Variants in AGRN observed in about 807,000 individuals in gnomAD.
The protein encoded by AGRN is agrin.
A neutral mutation model predicts 211.0 loss-of-function variants in AGRN; 106 were observed. The observed-to-expected ratio is 0.50, with a 90% CI of 0.43 to 0.59. The LOEUF is 0.59. Ranked by LOEUF, AGRN falls within the 20% of genes least tolerant of loss-of-function variation. The pLI is 0.00. For missense variants in AGRN, 3,040 were observed against 2,982.6 expected (o/e 1.02, Z -0.45); for synonymous variants, 1,525 against 1,332.5 (o/e 1.14, Z -3.15).
chr1:1,048,084 C>A lies in AGRN; in HGVS notation c.3824C>A (p.Thr1275Asn). The A allele has an allele frequency of 6.3e-7, 1 of 1,578,436 alleles. No homozygotes were observed. Among genetic ancestry groups the A allele is most frequent in the African/African-American group, 1.3e-5 (1 of 74,496 alleles). ...IAAGATARAT[T>N]ASRLPSSAVT... The stretch of plus-strand genomic sequence containing the variant: ...GCGGGAGCCACGGCCAGAGCCACCA[C>A]TGCATCGCGCCTGCCGTCCTCTGCT... The change falls in exon 23 of 36, where the codon ACT (threonine) becomes AAT (asparagine). Residue 1275 changes from threonine (T) to asparagine (N), a missense_variant. Coordinates refer to ENST00000379370, the MANE Select transcript of AGRN (RefSeq NM_198576.4). The surrounding 1 kb of genome is among the most constrained non-coding windows in gnomAD (Gnocchi z 5.9).
intron 2 of AGRN, among the ~76,000 whole-genome samples, chr1:1,024,178 G>T (rs1557683476): frequency 6.6e-6 from 1 of 152,118 alleles, no homozygotes; most frequent in African/African-American, 2.4e-5. Flanking sequence ...TATCTCGGGT[G>T]GCTGGGGTCC....
chr1:1,021,199 G>A (rs1644395071), intron 1 of AGRN, among the ~76,000 whole-genome samples: 1 of 152,206 alleles, frequency 6.6e-6, no homozygotes. Context: ...GGGCTCCCCC[G>A]CCGGCCCAGT....
chr1:1,037,538 C>G (rs1481354316), intron 3 of AGRN, among the ~76,000 whole-genome samples: 8 of 152,222 alleles, frequency 5.3e-5, no homozygotes, highest in Non-Finnish European at 5.9e-5. Flanking sequence ...ACTGCCGCCT[C>G]CAGCGTTGCA....
intron 19 of AGRN, 69 bp downstream of exon 19, chr1:1,047,026 C>T (rs1405176001): frequency 6.5e-7 from 1 of 1,544,768 alleles, no homozygotes; most frequent in African/African-American, 1.4e-5. Flanking sequence ...GCCCCCTCGC[C>T]TGGGCAGCAG....
At chr1:1,027,178 C>T (rs1369552321) in intron 2 of AGRN, among the ~76,000 whole-genome samples, 2 of 152,214 alleles carry the variant, frequency 1.3e-5, no homozygotes, top group Non-Finnish European at 2.9e-5. Context: ...GGAGAAGGGG[C>T]GTGCTGTGTC....
At position 1,041,599 on chromosome 1, in the gene AGRN, G is replaced by A. The variant is rs1056553531; in HGVS notation, c.1074G>A (p.Gly358=). ...CTGCCCGGCAGGCGCCAGTGTGTGGGGACGACGGAGTCACCTACGAAAACG... is the reference window on the plus strand; with the variant it reads ...CTGCCCGGCAGGCGCCAGTGTGTGGAGACGACGGAGTCACCTACGAAAACG... ...SCPARQAPVC[G]DDGVTYENDC... The change falls in exon 6 of 36, where the codon GGG becomes GGA. Residue 358 remains glycine (G), a synonymous_variant. Coordinates refer to ENST00000379370, the MANE Select transcript of AGRN (RefSeq NM_198576.4). 3 of 1,611,214 alleles carry A rather than the reference G, an allele frequency of 1.9e-6. No individual in the cohort carries two copies. Among genetic ancestry groups the A allele is most frequent in the Non-Finnish European group, 2.5e-6 (3 of 1,179,324 alleles).
At position 1,043,431 on chromosome 1, in the gene AGRN, T is replaced by G; in HGVS notation, c.1577T>G (p.Ile526Ser). 1.9e-6 allele frequency: 3 copies of G among 1,606,998 alleles called. No homozygotes were observed. The highest frequency in any genetic ancestry group is 2.5e-6 in the Non-Finnish European group (3 of 1,178,540). ...ACGGCCTGTACCCTCGGGCGGGAGATCCAGGTGGCGCGCAAAGGACCCTGT... is the reference window on the plus strand; with the variant it reads ...ACGGCCTGTACCCTCGGGCGGGAGAGCCAGGTGGCGCGCAAAGGACCCTGT... Reference protein sequence around the residue: ...EATACTLGREIQVARKGPCDR... With the variant: ...EATACTLGRESQVARKGPCDR... Residue 526 changes from isoleucine (I) to serine (S), a missense_variant, in exon 8 of 36, where the codon ATC becomes AGC. Around this residue, in one of 3 missense-constraint regions of AGRN, gnomAD observed 1,498 missense variants for 1,457.8 expected, o/e 1.03. Transcript: ENST00000379370.
rs1645231004 is a variant in AGRN, at chr1:1,050,002, G to A, written c.4844G>A (p.Cys1615Tyr). ...CCCGAGGGTGGTGCTCAGTGCGAGT[G>A]CCCCCTGGGGCGTGAGGGCACCTTC... ...VLPEGGAQCE[C>Y]PLGREGTFCQ... The change falls in exon 27 of 36, where the codon TGC (cysteine) becomes TAC (tyrosine). Residue 1615 changes from cysteine to tyrosine, a missense_variant. By Grantham distance (194) the Cys-to-Tyr change is radical. Transcript: ENST00000379370. 4 of 1,590,692 alleles carry A rather than the reference G, an allele frequency of 2.5e-6. No homozygotes were observed. The highest frequency in any genetic ancestry group is 1.1e-5 in the South Asian group (1 of 90,658).
chr1:1,026,611 G>C (rs1027800415), intron 2 of AGRN, among the ~76,000 whole-genome samples: 2 of 152,136 alleles, frequency 1.3e-5, no homozygotes, highest in African/African-American at 4.8e-5. Context: ...CCAGCGGCCT[G>C]GGTGGGGCAG....
At position 1,043,159 on chromosome 1, in the gene AGRN, G is replaced by A. The variant is rs1410311228; in HGVS notation, c.1385-80G>A. The stretch of plus-strand genomic sequence containing the variant: ...TCCACCATCCCCTCCCTGGAAGAGG[G>A]ACTGCTGCGTGGGGCTGGGGGCTTT... On this transcript the variant is annotated intron_variant, in intron 7 of 35. Transcript: ENST00000379370. The A allele has an allele frequency of 2.8e-6, 4 of 1,452,272 alleles. No individual in the cohort carries two copies. In the Admixed American group the frequency reaches 5.9e-5, roughly 21 times the overall value. The allele number at this position is 1,452,272 out of a possible 1,614,324, so 90.0% of individuals were successfully genotyped here.
chr1:1,044,076 G>A (rs1370430480), intron 10 of AGRN, 33 bp from the exon 11 acceptor site: 4 of 1,612,948 alleles, frequency 2.5e-6, no homozygotes, highest in Non-Finnish European at 3.4e-6. Context: ...TGGACAAGAA[G>A]CCCCTGGGTG....
chr1:1,049,012 C>A lies in AGRN; in HGVS notation c.4251C>A (p.Gly1417=). The A allele has an allele frequency of 6.3e-7, 1 of 1,578,276 alleles. No individual in the cohort carries two copies. The highest frequency in any genetic ancestry group is 2.3e-5 in the East Asian group (1 of 43,084). Residue 1417 remains glycine (G), a synonymous_variant, in exon 24 of 36, where the codon GGC becomes GGA. Coordinates refer to ENST00000379370, the MANE Select transcript of AGRN (RefSeq NM_198576.4). ...TGCTGTACAATGGCAACGCCCGGGG[C>A]AAGGACTTCCTGGCATTGGCGCTGC... ...GLLLYNGNAR[G]KDFLALALLD...
Position 1,043,701 on chromosome 1 carries a change from C to G in AGRN, c.1767C>G (p.Ile589Met), listed in dbSNP as rs1199309539. 1.9e-6 allele frequency: 3 copies of G among 1,600,682 alleles called. No homozygotes were observed. The South Asian group carries it at 3.3e-5, about 18-fold the overall frequency. The change falls in exon 9 of 36, where the codon ATC becomes ATG. Residue 589 changes from isoleucine (I) to methionine (M), a missense_variant. Around this residue, in one of 3 missense-constraint regions of AGRN, gnomAD observed 1,498 missense variants for 1,457.8 expected, o/e 1.03. Coordinates refer to ENST00000379370, the MANE Select transcript of AGRN (RefSeq NM_198576.4). Reference sequence around the variant, plus strand: ...ACGTGCACGCCTGCACACACCAGATCAGCCTGCACGTGGCCTCAGCTGGAC... The same window carrying G: ...ACGTGCACGCCTGCACACACCAGATGAGCCTGCACGTGGCCTCAGCTGGAC... ...MLHVHACTHQISLHVASAGPC... is the reference protein window; with the variant it reads ...MLHVHACTHQMSLHVASAGPC...
intron 34 of AGRN, 22 bp from the exon 35 acceptor site, chr1:1,054,426 C>CT: frequency 6.4e-7 from 1 of 1,557,588 alleles, no homozygotes; most frequent in South Asian, 1.2e-5. Flanking sequence ...CCCTGATGGT[C>CT]TCCCCCTCCC....
At chr1:1,040,615 G>A in intron 3 of AGRN, 50 bp from the exon 4 acceptor site, 2 of 1,530,262 alleles carry the variant, frequency 1.3e-6, no homozygotes, top group Non-Finnish European at 1.8e-6. Context: ...GCTTGTGGAC[G>A]TGGGTACGGG....
At chr1:1,038,583 A>G (rs1371165936) in intron 3 of AGRN, among the ~76,000 whole-genome samples, 1 of 152,214 alleles carries the variant, frequency 6.6e-6, no homozygotes, top group Non-Finnish European at 1.5e-5. Flanking sequence ...CCATCCAGGA[A>G]CAGTGCCCTT....
chr1:1,045,472 G>A lies in AGRN; in HGVS notation c.2485G>A (p.Gly829Ser). The A allele has an allele frequency of 1.2e-6, 2 of 1,612,956 alleles. No individual in the cohort carries two copies. Among genetic ancestry groups the A allele is most frequent in the Non-Finnish European group, 1.7e-6 (2 of 1,179,962 alleles). The change falls in exon 14 of 36, where the codon GGC (glycine) becomes AGC (serine). Residue 829 changes from glycine (G) to serine (S), a missense_variant. Gly to Ser is a moderately conservative substitution (Grantham distance 56). This residue lies in a region of AGRN where 1,498 missense variants were observed against 1,457.8 expected (regional missense o/e 1.03). Coordinates refer to ENST00000379370, the MANE Select transcript of AGRN (RefSeq NM_198576.4). Reference sequence around the variant, plus strand: ...CCTCAGGTGTGACCGCTGTGAGCCTGGCTTCTGGAACTTTCGAGGCATCGT... The same window carrying A: ...CCTCAGGTGTGACCGCTGTGAGCCTAGCTTCTGGAACTTTCGAGGCATCGT... ...GGLRCDRCEPGFWNFRGIVTD... is the reference protein window; with the variant it reads ...GGLRCDRCEPSFWNFRGIVTD...
At position 1,046,812 on chromosome 1, in the gene AGRN, C is replaced by A. The variant is rs1300471444; in HGVS notation, c.3251-8C>A. ...ACCAGAGCCTGGGCTCAGAGCGCGT[C>A]TCCCCAGGGCTCGAGCCCTTGGAGG... On this transcript the variant is annotated splice_region_variant and splice_polypyrimidine_tract_variant and intron_variant, in intron 18 of 35. Coordinates refer to ENST00000379370, the MANE Select transcript of AGRN (RefSeq NM_198576.4). 2 of 1,578,004 alleles carry A rather than the reference C, an allele frequency of 1.3e-6. No homozygotes were observed. The highest frequency in any genetic ancestry group is 1.8e-5 in the Admixed American group (1 of 54,136).
rs745963689 is a variant in AGRN at position 1,047,439 on chromosome 1, G to A, written c.3501G>A (p.Arg1167=). Residue 1167 remains arginine, a synonymous_variant, in exon 20 of 36, where the codon AGG becomes AGA. Coordinates refer to ENST00000379370, the MANE Select transcript of AGRN (RefSeq NM_198576.4). ...PKSELFGETA[R]SIESTLDDLF... ...CAGAACTGTTCGGGGAGACAGCCAG[G>A]AGCATTGAGAGCACCGTAAGACGGG... The A allele has an allele frequency of 6.2e-6, 10 of 1,612,806 alleles. No homozygotes were observed. Among genetic ancestry groups the A allele is most frequent in the Non-Finnish European group, 7.6e-6 (9 of 1,179,946 alleles).
Sources: allele counts gnomAD v4.1 joint callset (sites outside exome capture counted in the v4.1 genomes callset), GRCh38; gene constraint gnomAD v4.1.1; regional missense constraint gnomAD v4.1.1; non-coding constraint Gnocchi (gnomAD v3.1); transcripts MANE v1.5; gene names NCBI Gene and HGNC (gene_info 2026-07-23, HGNC 2026-07-21).